The following DYNLT1 variants were observed in gnomAD, a reference collection of about 807,000 sequenced individuals.
DYNLT1 encodes the protein T-complex testis-specific protein 1 homolog.
Under a neutral mutation model 19.6 loss-of-function variants are expected in DYNLT1, and 18 were observed. That is an observed-to-expected ratio of 0.92 (90% CI 0.64 to 1.36). The LOEUF (loss-of-function observed/expected upper bound fraction) is 1.36, where lower values mean the gene tolerates loss of function less well. DYNLT1 is among the 40% of genes most tolerant of loss of function. DYNLT1 has a pLI of 0.00. For missense variants in DYNLT1, 137 were observed against 139.3 expected (o/e 0.98, Z 0.08); for synonymous variants, 56 against 44.0 (o/e 1.27, Z -1.07).
intron 2 of DYNLT1, among the ~76,000 whole-genome samples, chr6:158,638,694 C>G (rs1456607180): frequency 6.6e-6 from 1 of 152,182 alleles, no homozygotes; most frequent in Non-Finnish European, 1.5e-5. Flanking sequence ...CTCAAGTGAT[C>G]CTCCTGCCTC....
intron 2 of DYNLT1, among the ~76,000 whole-genome samples, chr6:158,639,325 G>T (rs887926117): frequency 6.6e-5 from 10 of 152,178 alleles, no homozygotes; most frequent in African/African-American, 2.4e-4. Flanking sequence ...TGGGGGGCCA[G>T]AAGTCCCGGT....
At position 158,637,850 on chromosome 6, in the gene DYNLT1, T is replaced by C. The variant is rs118095868; in HGVS notation, c.114A>G (p.Lys38=). The C allele has an allele frequency of 6.2e-7, 1 of 1,609,638 alleles. No homozygotes were observed. Among genetic ancestry groups the C allele is most frequent in the Non-Finnish European group, 8.5e-7 (1 of 1,180,022 alleles). ...CTACATTTGTGGTCCACTGGTTCAC[T>C]TTGCTGTGTTGATAAGCGTTACCAC... ...AIGGNAYQHS[K]VNQWTTNVVE... Residue 38 remains lysine (K), a synonymous_variant, in exon 3 of 5, where the codon AAA becomes AAG. Coordinates refer to ENST00000367089, the MANE Select transcript of DYNLT1 (RefSeq NM_006519.4).
chr6:158,636,597 GAAATA>G lies in DYNLT1; in HGVS notation c.*225_*229del. The stretch of plus-strand genomic sequence containing the variant: ...TTTCAGATTTTAGCACCTTTGAAAT[GAAATA>G]TTCAGAGTTAAGACAAGTGGCAACG... On this transcript the variant is annotated 3_prime_UTR_variant, in exon 5 of 5. Transcript: ENST00000367089. 1.1e-5 allele frequency: 5 copies of G among 472,772 alleles called. No homozygotes were observed. The allele number at this position is 472,772 out of a possible 1,614,324, so 29.3% of individuals were successfully genotyped here. A position where few individuals can be genotyped will look rare whatever the true frequency, so the allele number is the denominator to read the frequency against.
At position 158,637,368 on chromosome 6, in the gene DYNLT1, A is replaced by G. The variant is rs530155809; in HGVS notation, c.194-163T>C. 78 of 658,322 alleles carry G rather than the reference A, an allele frequency of 1.2e-4. No individual in the cohort carries two copies. In the South Asian group the frequency reaches 1.5e-3, roughly 13 times the overall value. The allele number at this position is 658,322 out of a possible 1,614,324, so 40.8% of individuals were successfully genotyped here. The stretch of plus-strand genomic sequence containing the variant: ...TTGTCTCACTATATTGACAAATTAT[A>G]GGTGCTCCTTGACTTACAACATCCC... On this transcript the variant is annotated intron_variant, in intron 3 of 4. Coordinates refer to ENST00000367089, the MANE Select transcript of DYNLT1 (RefSeq NM_006519.4).
chr6:158,641,340 TTCA>T lies in DYNLT1; in HGVS notation c.45_47del (p.Asp15del), dbSNP rs751911441. 7.0e-5 allele frequency: 112 copies of T among 1,598,096 alleles called. No homozygotes were observed. Among genetic ancestry groups the T allele is most frequent in the Non-Finnish European group, 9.3e-5 (109 of 1,175,068 alleles). ...TTACCTCTTTTACAATGTTGCTCAC[TTCA>T]TCAACAACAAAAGCAGTCTGTAAGG... On this transcript the variant is annotated inframe_deletion, in exon 2 of 5. Transcript: ENST00000367089.
At chr6:158,643,539 T>C (rs1391143646) in intron 1 of DYNLT1, among the ~76,000 whole-genome samples, 2 of 152,178 alleles carry the variant, frequency 1.3e-5, no homozygotes, top group Admixed American at 6.5e-5. Flanking sequence ...TGGAGTGCAA[T>C]GGCGCGATCT....
chr6:158,637,936 C>G, intron 2 of DYNLT1, 42 bp from the exon 3 acceptor site: 1 of 1,592,364 alleles, frequency 6.3e-7, no homozygotes. Flanking sequence ...TAACCAAATG[C>G]ACCCACACCA....
intron 1 of DYNLT1, 96 bp downstream of exon 1, chr6:158,644,586 G>GGAGGTGGGCAGCCAGGCC: frequency 4.1e-6 from 6 of 1,459,330 alleles, no homozygotes; most frequent in Non-Finnish European, 5.7e-6. Context: ...CCTAGCTGAA[G>GGAGGTGGGCAGCCAGGCC]GAGGTGGGCA....
At position 158,637,586 on chromosome 6, in the gene DYNLT1, A is replaced by C. The variant is rs1787039426; in HGVS notation, c.193+185T>G. ...CCTGTAAGATCCCGCTTCACATACG[A>C]TCTGCAATTGTACCAGCAGCCAAAT... On this transcript the variant is annotated intron_variant, in intron 3 of 4. Transcript: ENST00000367089. 3.6e-6 allele frequency: 3 copies of C among 842,806 alleles called. No homozygotes were observed. In the African/African-American group the frequency reaches 5.1e-5, roughly 14 times the overall value. The allele number at this position is 842,806 out of a possible 1,614,324, so 52.2% of individuals were successfully genotyped here. A position where few individuals can be genotyped will look rare whatever the true frequency, so the allele number is the denominator to read the frequency against.
chr6:158,640,103 G>A (rs1315358903), intron 2 of DYNLT1, among the ~76,000 whole-genome samples: 1 of 152,146 alleles, frequency 6.6e-6, no homozygotes, highest in Non-Finnish European at 1.5e-5. Context: ...TCCCAGTTCT[G>A]GTGTAATCCA....
intron 2 of DYNLT1, among the ~76,000 whole-genome samples, chr6:158,639,583 C>T (rs1046904101): frequency 6.6e-6 from 1 of 152,190 alleles, no homozygotes; most frequent in Non-Finnish European, 1.5e-5. Context: ...TACAGAATTA[C>T]CTATTGCGGC....
At chr6:158,639,274 G>A (rs559532815) in intron 2 of DYNLT1, among the ~76,000 whole-genome samples, 3 of 152,234 alleles carry the variant, frequency 2.0e-5, no homozygotes, top group South Asian at 2.1e-4. Context: ...TCTTGTCCTC[G>A]GCCACTGTGC....
intron 2 of DYNLT1, among the ~76,000 whole-genome samples, chr6:158,639,781 A>C (rs1414077596): frequency 6.6e-6 from 1 of 152,116 alleles, no homozygotes; most frequent in Non-Finnish European, 1.5e-5. Flanking sequence ...CCCGGGTTCA[A>C]GCGATTCTCC....
intron 4 of DYNLT1, 86 bp downstream of exon 4, chr6:158,637,042 T>A (rs938819081): frequency 3.8e-6 from 6 of 1,565,324 alleles, no homozygotes; most frequent in Non-Finnish European, 5.3e-6. Flanking sequence ...TAAAAGGTGA[T>A]AAACATGCAT....
chr6:158,638,588 G>T (rs1787071905), intron 2 of DYNLT1, among the ~76,000 whole-genome samples: 1 of 151,592 alleles, frequency 6.6e-6, no homozygotes. Context: ...AGCTTGTCCA[G>T]TAGCTGGGAC....
In DYNLT1 at chr6:158,641,171, T is replaced by C. The variant is rs1306727462; in HGVS notation, c.69+148A>G. ...TTACATAATATAGAAGCAACTCTTA[T>C]CTAGCTATTTACTGAAGTAAAAACT... On this transcript the variant is annotated intron_variant, in intron 2 of 4. Coordinates refer to ENST00000367089, the MANE Select transcript of DYNLT1 (RefSeq NM_006519.4). 6.5e-6 allele frequency: 4 copies of C among 615,718 alleles called. No individual in the cohort carries two copies. In the Admixed American group the frequency reaches 1.5e-4, roughly 24 times the overall value. 38.1% of individuals were successfully genotyped at this position (615,718 alleles called of 1,614,324 possible). A position where few individuals can be genotyped will look rare whatever the true frequency, so the allele number is the denominator to read the frequency against.
At position 158,644,725 on chromosome 6, in the gene DYNLT1, C is replaced by G; in HGVS notation, c.-17G>C. On this transcript the variant is annotated 5_prime_UTR_variant, in exon 1 of 5. Coordinates refer to ENST00000367089, the MANE Select transcript of DYNLT1 (RefSeq NM_006519.4). ...GTCTTCCATCTTTCCTCCGGCGCGT[C>G]CCCTCCGGCTCCCTGAGTGGCGCGG... The G allele has an allele frequency of 6.2e-7, 1 of 1,610,764 alleles. No homozygotes were observed.
intron 1 of DYNLT1, 77 bp downstream of exon 1, chr6:158,644,605 T>C: frequency 6.3e-7 from 1 of 1,582,056 alleles, no homozygotes; most frequent in South Asian, 1.1e-5. Context: ...CAGCCAGGCC[T>C]TTCCGGGCAG....
intron 2 of DYNLT1, among the ~76,000 whole-genome samples, chr6:158,639,771 C>A (rs2128337341): frequency 6.6e-6 from 1 of 152,280 alleles, no homozygotes; most frequent in African/African-American, 2.4e-5. Flanking sequence ...CCCTCCATCT[C>A]CCGGGTTCAA....
Sources: allele counts gnomAD v4.1 joint callset (sites outside exome capture counted in the v4.1 genomes callset), GRCh38; gene constraint gnomAD v4.1.1; transcripts MANE v1.5; gene names NCBI Gene and HGNC (gene_info 2026-07-23, HGNC 2026-07-21).